ADGRB3: variants seen among roughly 807,000 people sequenced by gnomAD.
ADGRB3 encodes adhesion G protein-coupled receptor B3.
In ADGRB3, 37 loss-of-function variants were observed where a neutral mutation model predicts 193.4. The ratio of observed to expected loss-of-function variants is 0.19; its 90% CI spans 0.15 to 0.25. The LOEUF (loss-of-function observed/expected upper bound fraction) is 0.25. Ranked by LOEUF, ADGRB3 falls within the 10% of genes least tolerant of loss-of-function variation. ADGRB3 has a pLI of 1.00. For missense variants in ADGRB3, 1,637 were observed against 1,852.9 expected, an observed-to-expected ratio of 0.88 and a Z score of 2.14; for synonymous variants, 690 against 644.2, an observed-to-expected ratio of 1.07 and a Z score of -1.08.
intron 26 of ADGRB3, among the ~76,000 whole-genome samples, chr6:69,351,103 T>TTA (rs199512417): frequency 6.9e-5 from 8 of 116,620 alleles, no homozygotes; most frequent in African/African-American, 2.4e-4. Context: ...TACTTTTTTT[T>TTA]TTTTTTTGAG....
chr6:69,020,450 AG>A (rs1562124542), intron 13 of ADGRB3, among the ~76,000 whole-genome samples: 1 of 152,002 alleles, frequency 6.6e-6, no homozygotes, highest in Non-Finnish European at 1.5e-5. Flanking sequence ...TGACTCACCA[AG>A]CTTGTATATT....
intron 3 of ADGRB3, among the ~76,000 whole-genome samples, chr6:68,743,258 C>G (rs1024441644): frequency 9.9e-5 from 15 of 151,890 alleles, no homozygotes; most frequent in Non-Finnish European, 1.8e-4. Context: ...ATTCAGGCTA[C>G]TGATTAAGAT....
chr6:69,295,930 A>G (rs890743909), intron 20 of ADGRB3, among the ~76,000 whole-genome samples: 2 of 152,186 alleles, frequency 1.3e-5, no homozygotes, highest in Non-Finnish European at 2.9e-5. Flanking sequence ...CCAGACTAGA[A>G]TATGTCTATG....
At chr6:68,663,276 TGAAAAGTTGTTG>T (rs922160998) in intron 3 of ADGRB3, among the ~76,000 whole-genome samples, 2 of 151,630 alleles carry the variant, frequency 1.3e-5, no homozygotes, top group African/African-American at 4.8e-5. Flanking sequence ...AGACCCATTT[TGAAAAGTTGTTG>T]GAAGTGCTTC....
intron 10 of ADGRB3, among the ~76,000 whole-genome samples, chr6:68,987,480 C>T (rs748551856): frequency 6.6e-6 from 1 of 152,094 alleles, no homozygotes; most frequent in Non-Finnish European, 1.5e-5. Flanking sequence ...CTCCTTAACG[C>T]AAACATGGTT....
chr6:68,678,534 G>T (rs1764813190), intron 3 of ADGRB3, among the ~76,000 whole-genome samples: 3 of 152,152 alleles, frequency 2.0e-5, no homozygotes, highest in African/African-American at 4.8e-5. Flanking sequence ...AAGACAGGTG[G>T]ATAGAATGAA....
chr6:68,810,145 TG>T, intron 3 of ADGRB3, among the ~76,000 whole-genome samples: 1 of 152,188 alleles, frequency 6.6e-6, no homozygotes, highest in East Asian at 1.9e-4. Context: ...TGAACATAAA[TG>T]GGAAATTGCT....
chr6:68,786,242 G>A (rs1026545244), intron 3 of ADGRB3, among the ~76,000 whole-genome samples: 1 of 115,516 alleles, frequency 8.7e-6, no homozygotes, highest in African/African-American at 3.3e-5. Context: ...CCTATGTCCT[G>A]AATGGTATTG....
At chr6:69,126,065 C>T (rs9454703) in intron 17 of ADGRB3, among the ~76,000 whole-genome samples, 1 of 152,092 alleles carries the variant, frequency 6.6e-6, no homozygotes, top group African/African-American at 2.4e-5. Flanking sequence ...TCTGAATATG[C>T]ACTAAGTATA....
chr6:68,817,186 T>A (rs1360283359), intron 3 of ADGRB3, among the ~76,000 whole-genome samples: 3 of 151,054 alleles, frequency 2.0e-5, no homozygotes, highest in Admixed American at 6.6e-5. Context: ...GTTTGTAGAA[T>A]GAATGTGTAG....
At chr6:68,744,417 A>T (rs1372828191) in intron 3 of ADGRB3, among the ~76,000 whole-genome samples, 1 of 152,232 alleles carries the variant, frequency 6.6e-6, no homozygotes, top group Non-Finnish European at 1.5e-5. Flanking sequence ...AAATCATTCT[A>T]CTATGAAGAC....
chr6:69,279,071 GTATATATA>G (rs57824884), intron 20 of ADGRB3, among the ~76,000 whole-genome samples: 9,735 of 70,406 alleles, frequency 0.14, 685 homozygotes, highest in East Asian at 0.2. Context: ...AAATACATAT[GTATATATA>G]TATATATATA....
In ADGRB3 at chr6:69,304,921, T is replaced by G. The variant is rs575456378; in HGVS notation, c.2815-19951T>G. Among the ~76,000 whole-genome samples, 15 of 151,694 alleles carry G rather than the reference T, an allele frequency of 9.9e-5. 1 individual carries two copies. The highest frequency in any genetic ancestry group is 3.4e-4 in the African/African-American group (14 of 41,252). On this transcript the variant is annotated intron_variant, in intron 20 of 31. Coordinates refer to ENST00000370598, the MANE Select transcript of ADGRB3 (RefSeq NM_001704.3). Reference sequence around the variant, plus strand: ...TGGTGCACCATTAATGAATCTGTAATTTTCAAACATTTAGGATGAAGTTTA... The same window carrying G: ...TGGTGCACCATTAATGAATCTGTAAGTTTCAAACATTTAGGATGAAGTTTA...
At chr6:69,019,396 T>C (rs1770193799) in intron 13 of ADGRB3, among the ~76,000 whole-genome samples, 1 of 151,982 alleles carries the variant, frequency 6.6e-6, no homozygotes, top group South Asian at 2.1e-4. Context: ...GAGACCTACT[T>C]TGGTGGGAGA....
At chr6:68,908,476 T>TC (rs921723442) in intron 3 of ADGRB3, among the ~76,000 whole-genome samples, 6 of 152,110 alleles carry the variant, frequency 3.9e-5, no homozygotes, top group African/African-American at 7.2e-5. Context: ...TCTTGTTTTC[T>TC]CTCCTAATCT....
At chr6:69,052,083 T>C (rs1771414639) in intron 15 of ADGRB3, among the ~76,000 whole-genome samples, 1 of 152,090 alleles carries the variant, frequency 6.6e-6, no homozygotes, top group South Asian at 2.1e-4. Flanking sequence ...AGGGATGGGG[T>C]TTCACCATGT....
intron 3 of ADGRB3, among the ~76,000 whole-genome samples, chr6:68,676,141 C>A (rs1237775340): frequency 6.6e-6 from 1 of 151,846 alleles, no homozygotes; most frequent in Non-Finnish European, 1.5e-5. Context: ...GCTTGTAATC[C>A]CAGCACTTTG....
chr6:68,996,795 GATCC>G (rs1372022812), intron 11 of ADGRB3, among the ~76,000 whole-genome samples: 1 of 152,070 alleles, frequency 6.6e-6, no homozygotes, highest in Non-Finnish European at 1.5e-5. Context: ...ACATGTTTCT[GATCC>G]ATCTTTGGAC....
At chr6:69,301,774 A>G (rs543910637) in intron 20 of ADGRB3, among the ~76,000 whole-genome samples, 23 of 151,856 alleles carry the variant, frequency 1.5e-4, no homozygotes, top group African/African-American at 5.6e-4. Context: ...CTGTGACAAT[A>G]GGCACCAAAA....
Sources: allele counts gnomAD v4.1 joint callset (sites outside exome capture counted in the v4.1 genomes callset), GRCh38; gene constraint gnomAD v4.1.1; transcripts MANE v1.5; gene names NCBI Gene and HGNC (gene_info 2026-07-23, HGNC 2026-07-21).